IGSF3: variants seen among roughly 807,000 people sequenced by gnomAD.
IGSF3 encodes the protein glu-Trp-Ile EWI motif-containing protein 3.
IGSF3 carries 23 observed loss-of-function variants against 114.4 expected under a neutral mutation model. The ratio of observed to expected loss-of-function variants is 0.20; its 90% CI spans 0.14 to 0.28. The LOEUF is 0.28. Ranked by LOEUF, IGSF3 falls within the 10% of genes least tolerant of loss-of-function variation. The pLI, the probability that IGSF3 is intolerant of heterozygous loss-of-function variation, is 1.00. For missense variants in IGSF3, 1,172 were observed against 1,591.5 expected, an observed-to-expected ratio of 0.74 and a Z score of 4.48; for synonymous variants, 571 against 645.2, an observed-to-expected ratio of 0.88 and a Z score of 1.74.
intron 2 of IGSF3, among the ~76,000 whole-genome samples, chr1:116,658,571 C>T (rs1320172745): frequency 1.3e-5 from 2 of 152,162 alleles, no homozygotes; most frequent in Non-Finnish European, 2.9e-5. Context: ...TACAAATCTA[C>T]ACCCTTAGGG....
Position 116,625,608 on chromosome 1 carries a change from G to A in IGSF3, c.44-9151C>T, listed in dbSNP as rs567626215. 9.8e-5 allele frequency among the ~76,000 whole-genome samples: 15 copies of A among 152,342 alleles called. No individual in the cohort carries two copies. The highest frequency in any genetic ancestry group is 1.9e-4 in the Non-Finnish European group (13 of 68,040). ...TTTACGCTTTCGAATTATCACTCTG[G>A]TGGCAGGTGGAGGACAGAGCAGAGG... On this transcript the variant is annotated intron_variant, in intron 2 of 10. Coordinates refer to ENST00000369486, the MANE Select transcript of IGSF3 (RefSeq NM_001007237.3). This position sits in a 1 kb window ranked among gnomAD's most constrained non-coding sequence, Gnocchi z 4.7.
rs1371665269 is a variant in IGSF3, at chr1:116,654,343, C to T, written c.43+11941G>A. On this transcript the variant is annotated intron_variant, in intron 2 of 10. Coordinates refer to ENST00000369486, the MANE Select transcript of IGSF3 (RefSeq NM_001007237.3). This position sits in a 1 kb window ranked among gnomAD's most constrained non-coding sequence, Gnocchi z 4.4. ...GGGACCTGCAGTCTCAGAGGGCTCA[C>T]GGAGAAGGGGGAAGCTCTTGGCTAC... 1.3e-5 allele frequency among the ~76,000 whole-genome samples: 2 copies of T among 152,188 alleles called. No homozygotes were observed. Among genetic ancestry groups the T allele is most frequent in the African/African-American group, 2.4e-5 (1 of 41,436 alleles).
chr1:116,599,601 A>G (rs1162015932), intron 7 of IGSF3, among the ~76,000 whole-genome samples: 1 of 152,232 alleles, frequency 6.6e-6, no homozygotes, highest in East Asian at 1.9e-4. Context: ...GGGTGTGATG[A>G]TGGTGCAGTG....
chr1:116,666,249 T>C (rs1260940195), intron 2 of IGSF3, 35 bp downstream of exon 2: 1 of 1,602,324 alleles, frequency 6.2e-7, no homozygotes, highest in East Asian at 2.2e-5. Flanking sequence ...GGTTAAACTT[T>C]CACATCGATT....
rs1647402235 is a variant in IGSF3 at position 116,628,409 on chromosome 1, T to C, written c.44-11952A>G. Reference sequence around the variant, plus strand: ...TGACTGGCTGGGAGACTTTTTTTTTTAACCAGGCCCCCAGAGTTGTAGATT... The same window carrying C: ...TGACTGGCTGGGAGACTTTTTTTTTCAACCAGGCCCCCAGAGTTGTAGATT... On this transcript the variant is annotated intron_variant, in intron 2 of 10. Transcript: ENST00000369486. The surrounding 1 kb of genome is among the most constrained non-coding windows in gnomAD (Gnocchi z 4.2). Among the ~76,000 whole-genome samples, 2 of 151,998 alleles carry C rather than the reference T, an allele frequency of 1.3e-5. No individual in the cohort carries two copies. The highest frequency in any genetic ancestry group is 6.6e-5 in the Admixed American group (1 of 15,254).
rs148880453 is a variant in IGSF3, at chr1:116,648,349, T to G, written c.43+17935A>C. Among the ~76,000 whole-genome samples, 1,051 of 152,224 alleles carry G rather than the reference T, an allele frequency of 6.9e-3. 13 individuals carry two copies. Among genetic ancestry groups the G allele is most frequent in the African/African-American group, 0.024 (986 of 41,524 alleles). On this transcript the variant is annotated intron_variant, in intron 2 of 10. Coordinates refer to ENST00000369486, the MANE Select transcript of IGSF3 (RefSeq NM_001007237.3). This position sits in a 1 kb window ranked among gnomAD's most constrained non-coding sequence, Gnocchi z 4.7. ...GGGTTTTCCTCTGGGTATTAGGAGT[T>G]GAGGTGTTCGGTTAGAGAAGAAACA...
rs1328821069 is a variant in IGSF3, at chr1:116,582,112, T to C, written c.2849-2235A>G. Among the ~76,000 whole-genome samples, 1 of 152,226 alleles carries C rather than the reference T, an allele frequency of 6.6e-6. No individual in the cohort carries two copies. Among genetic ancestry groups the C allele is most frequent in the African/African-American group, 2.4e-5 (1 of 41,452 alleles). On this transcript the variant is annotated intron_variant, in intron 9 of 10. Coordinates refer to ENST00000369486, the MANE Select transcript of IGSF3 (RefSeq NM_001007237.3). This position sits in a 1 kb window ranked among gnomAD's most constrained non-coding sequence, Gnocchi z 4.7. ...TCTTGGCCCCTTCAAATGCCTTGTC[T>C]GCATAAATGACTCAATACAAGTTTT...
chr1:116,579,671 C>T lies in IGSF3; in HGVS notation c.3055G>A (p.Glu1019Lys). Residue 1019 changes from glutamate (E) to lysine (K), a missense_variant, in exon 10 of 11, where the codon GAG becomes AAG. Glu to Lys is a moderately conservative substitution (Grantham distance 56). Around this residue, in one of 3 missense-constraint regions of IGSF3, gnomAD observed 423 missense variants for 509.8 expected, o/e 0.83. Coordinates refer to ENST00000369486, the MANE Select transcript of IGSF3 (RefSeq NM_001007237.3). This position sits in a 1 kb window ranked among gnomAD's most constrained non-coding sequence, Gnocchi z 6.4. ...GGGTCGTCGTCGTCGTCGTCGTCCT[C>T]CTCCTCCTCCTCCTCCCTTTCCTCT... The part of the protein sequence containing the change: ...QEEEREEEEE[E>K]DDDDDDDPTE... 6.2e-7 allele frequency: 1 copy of T among 1,608,836 alleles called. No individual in the cohort carries two copies. Among genetic ancestry groups the T allele is most frequent in the Non-Finnish European group, 8.5e-7 (1 of 1,175,976 alleles).
In IGSF3 at chr1:116,649,239, G is replaced by C. The variant is rs1648528039; in HGVS notation, c.43+17045C>G. ...TGTGGCATGGAAGGAATCAATGGAG[G>C]AATACATGGCTCTTCCCTGGTTCCT... On this transcript the variant is annotated intron_variant, in intron 2 of 10. Transcript: ENST00000369486. This position sits in a 1 kb window ranked among gnomAD's most constrained non-coding sequence, Gnocchi z 4.5. Among the ~76,000 whole-genome samples, 2 of 152,230 alleles carry C rather than the reference G, an allele frequency of 1.3e-5. No individual in the cohort carries two copies. Among genetic ancestry groups the C allele is most frequent in the South Asian group, 4.1e-4 (2 of 4,836 alleles).
intron 2 of IGSF3, among the ~76,000 whole-genome samples, chr1:116,660,479 CT>C (rs71274759): frequency 0.088 from 8,766 of 99,798 alleles, 740 homozygotes; most frequent in African/African-American, 0.26. Context: ...GTATGCTTTT[CT>C]TTTTTTTTTT....
In IGSF3 at chr1:116,625,804, T is replaced by C. The variant is rs1468023189; in HGVS notation, c.44-9347A>G. ...GAGCTGGTCTAAAGATGATGATTAA[T>C]GAATGTTAAATTATTGATACTACTT... On this transcript the variant is annotated intron_variant, in intron 2 of 10. Coordinates refer to ENST00000369486, the MANE Select transcript of IGSF3 (RefSeq NM_001007237.3). This position sits in a 1 kb window ranked among gnomAD's most constrained non-coding sequence, Gnocchi z 4.7. 1.3e-5 allele frequency among the ~76,000 whole-genome samples: 2 copies of C among 152,220 alleles called. No individual in the cohort carries two copies. The highest frequency in any genetic ancestry group is 6.5e-5 in the Admixed American group (1 of 15,288).
rs1480798669 is a variant in IGSF3, at chr1:116,607,375, C to G, written c.1222+567G>C. 6.6e-6 allele frequency among the ~76,000 whole-genome samples: 1 copy of G among 152,160 alleles called. No homozygotes were observed. Among genetic ancestry groups the G allele is most frequent in the African/African-American group, 2.4e-5 (1 of 41,412 alleles). On this transcript the variant is annotated intron_variant, in intron 5 of 10. Coordinates refer to ENST00000369486, the MANE Select transcript of IGSF3 (RefSeq NM_001007237.3). This position sits in a 1 kb window ranked among gnomAD's most constrained non-coding sequence, Gnocchi z 6.1. ...TCAGCTAAGCTTAAAAGGCTATGCTCCAGGAAGATGTGAGAGGTCCCATCC... is the reference window on the plus strand; with the variant it reads ...TCAGCTAAGCTTAAAAGGCTATGCTGCAGGAAGATGTGAGAGGTCCCATCC...
At position 116,618,008 on chromosome 1, in the gene IGSF3, G is replaced by A. The variant is rs1460217068; in HGVS notation, c.44-1551C>T. ...AGTGGATCCAGCTGGTGAACAGCCGGGACAGCTCAATACTAGTGGAGTGCA... is the reference window on the plus strand; with the variant it reads ...AGTGGATCCAGCTGGTGAACAGCCGAGACAGCTCAATACTAGTGGAGTGCA... On this transcript the variant is annotated intron_variant, in intron 2 of 10. Coordinates refer to ENST00000369486, the MANE Select transcript of IGSF3 (RefSeq NM_001007237.3). The surrounding 1 kb of genome is among the most constrained non-coding windows in gnomAD (Gnocchi z 4.7). Among the ~76,000 whole-genome samples the A allele has an allele frequency of 2.6e-5, 4 of 152,236 alleles. No homozygotes were observed. The highest frequency in any genetic ancestry group is 1.3e-4 in the Admixed American group (2 of 15,286).
At position 116,650,200 on chromosome 1, in the gene IGSF3, A is replaced by C. The variant is rs1648571807; in HGVS notation, c.43+16084T>G. On this transcript the variant is annotated intron_variant, in intron 2 of 10. Coordinates refer to ENST00000369486, the MANE Select transcript of IGSF3 (RefSeq NM_001007237.3). This position sits in a 1 kb window ranked among gnomAD's most constrained non-coding sequence, Gnocchi z 5.0. ...ACACTATAAGTAGTAGAAAATTCCA[A>C]CTCAACTGGCTTCAACAGTGAGGAC... 6.6e-6 allele frequency among the ~76,000 whole-genome samples: 1 copy of C among 152,046 alleles called. No individual in the cohort carries two copies. The highest frequency in any genetic ancestry group is 2.1e-4 in the South Asian group (1 of 4,812).
chr1:116,606,998 A>G (rs1012684971), intron 5 of IGSF3, among the ~76,000 whole-genome samples: 12 of 152,250 alleles, frequency 7.9e-5, no homozygotes, highest in African/African-American at 2.4e-4. Context: ...TTGAAGAGAA[A>G]TATCACACTT....
rs369252833 is a variant in IGSF3 at position 116,613,833 on chromosome 1, G to A, written c.764C>T (p.Pro255Leu). The change falls in exon 4 of 11, where the codon CCG becomes CTG. Residue 255 changes from proline (P) to leucine (L), a missense_variant. By Grantham distance (98) the Pro-to-Leu change is moderately conservative. Transcript: ENST00000369486. ...YCEAAEWIQD[P>L]DGSWYAMTRK... The stretch of plus-strand genomic sequence containing the variant: ...GGTCATAGCATACCACGACCCATCC[G>A]GATCCTGGATCCACTCGGCGGCCTC... 4.5e-5 allele frequency: 72 copies of A among 1,613,980 alleles called. No individual in the cohort carries two copies. The South Asian group carries it at 5.8e-4, about 13-fold the overall frequency.
rs535973256 is a variant in IGSF3 at position 116,585,751 on chromosome 1, A to G, written c.2441-699T>C. On this transcript the variant is annotated intron_variant, in intron 8 of 10. Coordinates refer to ENST00000369486, the MANE Select transcript of IGSF3 (RefSeq NM_001007237.3). This position sits in a 1 kb window ranked among gnomAD's most constrained non-coding sequence, Gnocchi z 4.9. ...AGCCTGGCCAACACAATGAAACCCC[A>G]TCTCTACTAAAAATACAAAAATTAG... Among the ~76,000 whole-genome samples the G allele has an allele frequency of 1.2e-4, 18 of 152,186 alleles. No individual in the cohort carries two copies. Among genetic ancestry groups the G allele is most frequent in the African/African-American group, 4.1e-4 (17 of 41,532 alleles).
rs1414680574 is a variant in IGSF3, at chr1:116,667,667, A to C, written c.-680T>G. 1 of 151,020 alleles carries C rather than the reference A, an allele frequency of 6.6e-6. No homozygotes were observed. Among genetic ancestry groups the C allele is most frequent in the African/African-American group, 2.4e-5 (1 of 41,224 alleles). The allele number at this position is 151,020 out of a possible 1,614,324, so 9.4% of individuals were successfully genotyped here. A position where few individuals can be genotyped will look rare whatever the true frequency, so the allele number is the denominator to read the frequency against. Reference sequence around the variant, plus strand: ...CGCGCGTCGGACCGTCCTTCAGTCCATCCAGGCGCACGCCTCAGGGGACGC... The same window carrying C: ...CGCGCGTCGGACCGTCCTTCAGTCCCTCCAGGCGCACGCCTCAGGGGACGC... On this transcript the variant is annotated 5_prime_UTR_variant, in exon 1 of 11. The change abolishes an upstream ATG in the 5' untranslated region. Coordinates refer to ENST00000369486, the MANE Select transcript of IGSF3 (RefSeq NM_001007237.3).
rs1648549357 is a variant in IGSF3 at position 116,649,717 on chromosome 1, T to C, written c.43+16567A>G. ...CCAAAGAACCTGGTACCCAGCTACTTAATCCTTATCCTTCTTCCCAAGGCC... is the reference window on the plus strand; with the variant it reads ...CCAAAGAACCTGGTACCCAGCTACTCAATCCTTATCCTTCTTCCCAAGGCC... On this transcript the variant is annotated intron_variant, in intron 2 of 10. Coordinates refer to ENST00000369486, the MANE Select transcript of IGSF3 (RefSeq NM_001007237.3). The surrounding 1 kb of genome is among the most constrained non-coding windows in gnomAD (Gnocchi z 4.5). 6.6e-6 allele frequency among the ~76,000 whole-genome samples: 1 copy of C among 152,204 alleles called. No homozygotes were observed. Among genetic ancestry groups the C allele is most frequent in the Non-Finnish European group, 1.5e-5 (1 of 68,028 alleles).
Sources: gnomAD v4.1 joint callset for allele counts (sites outside exome capture counted in the v4.1 genomes callset) on GRCh38, gnomAD v4.1.1 for gene constraint, gnomAD v4.1.1 regional missense constraint, Gnocchi (gnomAD v3.1) non-coding constraint, MANE v1.5 for transcripts, NCBI Gene and HGNC (gene_info 2026-07-23, HGNC 2026-07-21) for gene names.